Variants in F2 observed in about 807,000 individuals in gnomAD.
F2 encodes coagulation factor II, thrombin, also known as prothrombin.
F2 carries 34 observed loss-of-function variants against 81.9 expected under a neutral mutation model. That is an observed-to-expected ratio of 0.42 (90% confidence interval 0.32 to 0.55). The LOEUF is 0.55. F2 is among the 20% of genes least tolerant of loss of function. The pLI is 0.18. For synonymous variants in F2, 296 were observed against 326.4 expected (o/e 0.91, Z 1.01); for missense variants, 630 against 833.4 (o/e 0.76, Z 3.00).
At chr11:46,727,920 G>T in intron 9 of F2, 76 bp from the exon 10 acceptor site, 5 of 1,511,078 alleles carry the variant, frequency 3.3e-6, no homozygotes, top group Non-Finnish European at 4.5e-6. Context: ...TTAGACCTGG[G>T]ATTGTTACTT....
Position 46,729,377 on chromosome 11 carries a change from A to G in F2, c.1473-3A>G, listed in dbSNP as rs767800935. On this transcript the variant is annotated splice_polypyrimidine_tract_variant and splice_region_variant and intron_variant, in intron 11 of 13. Coordinates refer to ENST00000311907, the MANE Select transcript of F2 (RefSeq NM_000506.5). ...TCACTAGGCCCTTCTTCCTTCCCCA[A>G]AGCTTGCTCCAGGCTGGATACAAGG... is the stretch of plus-strand genomic sequence containing the variant. 3 of 1,612,814 alleles carry G rather than the reference A, an allele frequency of 1.9e-6. No individual in the cohort carries two copies. Among genetic ancestry groups the G allele is most frequent in the Admixed American group, 1.7e-5 (1 of 59,956 alleles).
At chr11:46,733,389 A>T (rs944992223) in intron 12 of F2, among the ~76,000 whole-genome samples, 5 of 152,098 alleles carry the variant, frequency 3.3e-5, no homozygotes, top group African/African-American at 9.7e-5. Context: ...TTTTTTGTAG[A>T]GACTGGGTCT....
chr11:46,731,228 AT>A (rs367631854), intron 12 of F2, among the ~76,000 whole-genome samples: 531 of 139,860 alleles, frequency 3.8e-3, no homozygotes, highest in Non-Finnish European at 4.8e-3. Flanking sequence ...AAACCAGGAA[AT>A]TTTTTTTTTT....
At position 46,726,298 on chromosome 11, in the gene F2, G is replaced by C; in HGVS notation, c.874+125G>C. The C allele has an allele frequency of 2.1e-6, 3 of 1,450,096 alleles. No individual in the cohort carries two copies. The highest frequency in any genetic ancestry group is 1.2e-5 in the South Asian group (1 of 81,286). The allele number at this position is 1,450,096 out of a possible 1,614,324, so 89.8% of individuals were successfully genotyped here. A position where few individuals can be genotyped will look rare whatever the true frequency, so the allele number is the denominator to read the frequency against. On this transcript the variant is annotated intron_variant, in intron 7 of 13. Coordinates refer to ENST00000311907, the MANE Select transcript of F2 (RefSeq NM_000506.5). The surrounding 1 kb of genome is among the most constrained non-coding windows in gnomAD (Gnocchi z 5.9). The stretch of plus-strand genomic sequence containing the variant: ...CTCATTACAGCCTTACAGTAACCAG[G>C]TGGGGGGTAAGGTCCTGTGCCCATT...
chr11:46,723,558 G>A lies in F2; in HGVS notation c.559+40G>A, dbSNP rs775023243. ...GTGGGGCGGCCCATGGCCAAGGCCCGGGGGCTTCATGGGGCCTGGCAGCCT... is the reference window on the plus strand; with the variant it reads ...GTGGGGCGGCCCATGGCCAAGGCCCAGGGGCTTCATGGGGCCTGGCAGCCT... On this transcript the variant is annotated intron_variant, in intron 6 of 13. Transcript: ENST00000311907. This position sits in a 1 kb window ranked among gnomAD's most constrained non-coding sequence, Gnocchi z 5.6. The A allele has an allele frequency of 1.0e-5, 16 of 1,578,608 alleles. No homozygotes were observed. Among genetic ancestry groups the A allele is most frequent in the Admixed American group, 3.7e-5 (2 of 53,806 alleles).
chr11:46,721,535 C>T (rs1366087896), intron 4 of F2, among the ~76,000 whole-genome samples: 3 of 152,198 alleles, frequency 2.0e-5, no homozygotes, highest in Non-Finnish European at 4.4e-5. Flanking sequence ...CCTGGCCTTG[C>T]ATATGTTGTC....
chr11:46,725,867 C>G lies in F2; in HGVS notation c.568C>G (p.Gln190Glu), dbSNP rs894163003. Reference sequence around the variant, plus strand: ...TGCCCCTCACCCACCAGGCCAGGATCAAGTCACTGTAGCGATGACTCCACG... The same window carrying G: ...TGCCCCTCACCCACCAGGCCAGGATGAAGTCACTGTAGCGATGACTCCACG... Reference protein sequence around the residue: ...ECSIPVCGQDQVTVAMTPRSE... With the variant: ...ECSIPVCGQDEVTVAMTPRSE... Residue 190 changes from glutamine to glutamate, a missense_variant, in exon 7 of 14, where the codon CAA (glutamine) becomes GAA (glutamate). By Grantham distance (29) the Gln-to-Glu change is conservative (BLOSUM62 2). Transcript: ENST00000311907. 4 of 1,612,930 alleles carry G rather than the reference C, an allele frequency of 2.5e-6. No individual in the cohort carries two copies.
chr11:46,721,463 C>G (rs1333935217), intron 4 of F2, among the ~76,000 whole-genome samples: 1 of 152,220 alleles, frequency 6.6e-6, no homozygotes, highest in Non-Finnish European at 1.5e-5. Flanking sequence ...CAAACAGGAA[C>G]CCAAACCCCC....
intron 12 of F2, among the ~76,000 whole-genome samples, chr11:46,732,325 T>TTGCTTTCCTTCCTTTCA (rs2064918547): frequency 6.6e-6 from 1 of 152,188 alleles, no homozygotes; most frequent in Admixed American, 6.6e-5. Context: ...AGTTACTTTA[T>TTGCTTTCCTTCCTTTCA]TGCTTTCCTT....
intron 4 of F2, among the ~76,000 whole-genome samples, chr11:46,722,238 A>G (rs1268942309): frequency 1.3e-5 from 2 of 152,244 alleles, no homozygotes; most frequent in East Asian, 3.8e-4. Flanking sequence ...AAGAGAATCA[A>G]ATACAGTCTC....
chr11:46,736,883 T>C lies in F2; in HGVS notation c.1655-2165T>C, dbSNP rs1175343961. 2.6e-5 allele frequency among the ~76,000 whole-genome samples: 4 copies of C among 152,330 alleles called. No individual in the cohort carries two copies. In the East Asian group the frequency reaches 7.7e-4, roughly 29 times the overall value. On this transcript the variant is annotated intron_variant, in intron 12 of 13. Transcript: ENST00000311907. ...GTAATTTTATTGGGATTATGACACT[T>C]CAACAAATTAACTGGGAGAATGGAC...
chr11:46,724,767 CT>C (rs11438724), intron 6 of F2, among the ~76,000 whole-genome samples: 16 of 147,410 alleles, frequency 1.1e-4, no homozygotes, highest in Admixed American at 3.4e-4. Context: ...TGGGGTTGGT[CT>C]TTTTTTTTTT....
Position 46,729,510 on chromosome 11 carries a change from G to A in F2, c.1603G>A (p.Val535Ile), listed in dbSNP as rs768032315. The A allele has an allele frequency of 1.6e-5, 26 of 1,614,058 alleles. No individual in the cohort carries two copies. In the East Asian group the frequency reaches 5.8e-4, roughly 36 times the overall value. The change falls in exon 12 of 14, where the codon GTC becomes ATC. Residue 535 changes from valine to isoleucine, a missense_variant. Coordinates refer to ENST00000311907, the MANE Select transcript of F2 (RefSeq NM_000506.5). Reference sequence around the variant, plus strand: ...GAACCTGCCCATTGTGGAGCGGCCGGTCTGCAAGGACTCCACCCGGATCCG... The same window carrying A: ...GAACCTGCCCATTGTGGAGCGGCCGATCTGCAAGGACTCCACCCGGATCCG... ...VVNLPIVERPVCKDSTRIRIT... is the reference protein window; with the variant it reads ...VVNLPIVERPICKDSTRIRIT...
Position 46,726,788 on chromosome 11 carries a change from G to C in F2, c.1081G>C (p.Asp361His). 1 of 1,614,206 alleles carries C rather than the reference G, an allele frequency of 6.2e-7. No homozygotes were observed. The highest frequency in any genetic ancestry group is 8.5e-7 in the Non-Finnish European group (1 of 1,180,034). ...AAGAGAGCTCCTGGAATCCTACATC[G>C]ACGGGCGCATTGTGGAGGGCTCGGA... ...TERELLESYI[D>H]GRIVEGSDAE... Residue 361 changes from aspartate to histidine, a missense_variant, in exon 9 of 14, where the codon GAC (aspartate) becomes CAC (histidine). Transcript: ENST00000311907. This position sits in a 1 kb window ranked among gnomAD's most constrained non-coding sequence, Gnocchi z 5.9.
intron 12 of F2, among the ~76,000 whole-genome samples, chr11:46,738,200 C>T (rs2064956188): frequency 6.6e-6 from 1 of 152,036 alleles, no homozygotes; most frequent in South Asian, 2.1e-4. Flanking sequence ...AGGGTTTCAC[C>T]ACGTTGGCCA....
chr11:46,721,779 C>T (rs1170576571), intron 4 of F2, among the ~76,000 whole-genome samples: 2 of 152,038 alleles, frequency 1.3e-5, no homozygotes, highest in African/African-American at 2.4e-5. Context: ...ATTCTCCCAT[C>T]TCAGTCTCCC....
chr11:46,726,909 C>T lies in F2; in HGVS notation c.1130+72C>T. 4 of 1,605,042 alleles carry T rather than the reference C, an allele frequency of 2.5e-6. No homozygotes were observed. Among genetic ancestry groups the T allele is most frequent in the Middle Eastern group, 1.7e-4 (1 of 6,014 alleles). On this transcript the variant is annotated intron_variant, in intron 9 of 13. Coordinates refer to ENST00000311907, the MANE Select transcript of F2 (RefSeq NM_000506.5). The surrounding 1 kb of genome is among the most constrained non-coding windows in gnomAD (Gnocchi z 5.9). ...TGCTGCTGGACCCCCACCCTCAGGCCCTGCCTGCAGGCCTGGGCTTTACAG... is the reference window on the plus strand; with the variant it reads ...TGCTGCTGGACCCCCACCCTCAGGCTCTGCCTGCAGGCCTGGGCTTTACAG...
chr11:46,729,037 C>T (rs1281635241), intron 11 of F2, among the ~76,000 whole-genome samples, 200 bp downstream of exon 11: 1 of 152,122 alleles, frequency 6.6e-6, no homozygotes, highest in Non-Finnish European at 1.5e-5. Flanking sequence ...ACTCTTGTCT[C>T]CCAGGCTGGA....
chr11:46,725,069 C>CTTTTTTTTT (rs71455298), intron 6 of F2, among the ~76,000 whole-genome samples: 1 of 106,248 alleles, frequency 9.4e-6, no homozygotes. Flanking sequence ...TGCGCCCGGC[C>CTTTTTTTTT]TTTTTTTTTT....
Sources: allele counts gnomAD v4.1 joint callset (sites outside exome capture counted in the v4.1 genomes callset), GRCh38; gene constraint gnomAD v4.1.1; non-coding constraint Gnocchi (gnomAD v3.1); transcripts MANE v1.5; gene names NCBI Gene and HGNC (gene_info 2026-07-23, HGNC 2026-07-21).